The following PDHX variants were observed in gnomAD, a reference collection of about 807,000 sequenced individuals.
PDHX encodes the protein pyruvate dehydrogenase complex component X.
Under a neutral mutation model 55.3 loss-of-function variants are expected in PDHX, and 33 were observed. The ratio of observed to expected loss-of-function variants is 0.60; its 90% CI spans 0.45 to 0.80. The LOEUF is 0.80. Among genes scored for constraint, PDHX ranks in the 30% least tolerant of loss-of-function variants. The pLI is 0.00. For missense variants in PDHX, 622 were observed against 619.9 expected (o/e 1.00, Z -0.04); for synonymous variants, 226 against 219.4 (o/e 1.03, Z -0.27).
intron 7 of PDHX, among the ~76,000 whole-genome samples, chr11:34,971,787 G>T (rs898260871): frequency 6.6e-6 from 1 of 152,064 alleles, no homozygotes; most frequent in Admixed American, 6.5e-5. Context: ...AGTGGAATGG[G>T]TTGGAAAACA....
intron 9 of PDHX, among the ~76,000 whole-genome samples, chr11:34,989,370 C>T (rs1855713958): frequency 6.6e-6 from 1 of 151,092 alleles, no homozygotes; most frequent in Non-Finnish European, 1.5e-5. Flanking sequence ...CTACTGTATG[C>T]AACTGGGAGA....
At chr11:34,919,516 A>G (rs1160609282) in intron 1 of PDHX, among the ~76,000 whole-genome samples, 1 of 152,186 alleles carries the variant, frequency 6.6e-6, no homozygotes, top group Non-Finnish European at 1.5e-5. Flanking sequence ...TTTTCTTAGC[A>G]CTTTCTAGAA....
intron 3 of PDHX, among the ~76,000 whole-genome samples, chr11:34,949,877 G>C (rs1854714986): frequency 6.6e-6 from 1 of 151,942 alleles, no homozygotes; most frequent in Non-Finnish European, 1.5e-5. Context: ...TTTATTGATA[G>C]ACCATTATTC....
chr11:34,926,795 A>G (rs1318037294), intron 1 of PDHX, among the ~76,000 whole-genome samples: 1 of 152,096 alleles, frequency 6.6e-6, no homozygotes, highest in Non-Finnish European at 1.5e-5. Context: ...ACTTTAGGGA[A>G]GAAGAAACTA....
chr11:34,984,780 TA>T, intron 9 of PDHX, 52 bp downstream of exon 9: 2 of 1,551,434 alleles, frequency 1.3e-6, no homozygotes, highest in African/African-American at 2.7e-5. Context: ...TACTTTTGGA[TA>T]ATTACTTTCT....
At chr11:34,985,605 G>A (rs1855623397) in intron 9 of PDHX, among the ~76,000 whole-genome samples, 1 of 152,198 alleles carries the variant, frequency 6.6e-6, no homozygotes, top group African/African-American at 2.4e-5. Flanking sequence ...GACAGCCTCA[G>A]TAATTTCCAA....
intron 3 of PDHX, among the ~76,000 whole-genome samples, chr11:34,951,820 T>C (rs1014239703): frequency 5.3e-5 from 8 of 152,218 alleles, no homozygotes; most frequent in African/African-American, 1.9e-4. Context: ...CTAGGGTTTT[T>C]ATGGTTTTAG....
intron 5 of PDHX, among the ~76,000 whole-genome samples, chr11:34,964,940 C>A (rs751711056): frequency 1.4e-4 from 21 of 151,778 alleles, no homozygotes; most frequent in Non-Finnish European, 2.8e-4. Context: ...GTGTCAGCAA[C>A]CTTTTTTTTA....
chr11:34,929,145 T>A (rs561096896), intron 1 of PDHX, among the ~76,000 whole-genome samples: 85 of 65,196 alleles, frequency 1.3e-3, no homozygotes, highest in African/African-American at 5.4e-3. Context: ...ATTGTGGCTA[T>A]TTTTCCTCCT....
At position 34,966,728 on chromosome 11, in the gene PDHX, C is replaced by A; in HGVS notation, c.730C>A (p.Pro244Thr). 1.9e-6 allele frequency: 3 copies of A among 1,614,182 alleles called. No individual in the cohort carries two copies. The highest frequency in any genetic ancestry group is 2.5e-6 in the Non-Finnish European group (3 of 1,180,008). Residue 244 changes from proline (P) to threonine (T), a missense_variant, in exon 6 of 11, where the codon CCT (proline) becomes ACT (threonine). Coordinates refer to ENST00000227868, the MANE Select transcript of PDHX (RefSeq NM_003477.3). Reference sequence around the variant, plus strand: ...AGCCCCCACAGCCACTCCCACAGCACCTTCGCCCCTACAGGCCACAGCTGG... The same window carrying A: ...AGCCCCCACAGCCACTCCCACAGCAACTTCGCCCCTACAGGCCACAGCTGG... Reference protein sequence around the residue: ...TPAPTATPTAPSPLQATAGPS... With the variant: ...TPAPTATPTATSPLQATAGPS...
rs538536282 is a variant in PDHX at position 34,982,584 on chromosome 11, A to C, written c.1024-1986A>C. Among the ~76,000 whole-genome samples the C allele has an allele frequency of 4.3e-4, 66 of 152,242 alleles. 1 individual carries two copies. The South Asian group carries it at 0.013, about 30-fold the overall frequency. The stretch of plus-strand genomic sequence containing the variant: ...AAATAGACGCAATAAAAAATGATAA[A>C]GGCGATATCACCACCGATCCCACAG... On this transcript the variant is annotated intron_variant, in intron 8 of 10. Transcript: ENST00000227868.
intron 5 of PDHX, among the ~76,000 whole-genome samples, chr11:34,964,904 A>C (rs1478972089): frequency 6.9e-6 from 1 of 144,950 alleles, no homozygotes; most frequent in Non-Finnish European, 1.5e-5. Context: ...AATAAGTAAT[A>C]GTTATGCTAA....
At chr11:34,984,059 A>G (rs1400124400) in intron 8 of PDHX, among the ~76,000 whole-genome samples, 1 of 152,062 alleles carries the variant, frequency 6.6e-6, no homozygotes, top group African/African-American at 2.4e-5. Context: ...ACAGCATGGT[A>G]CTGGTACCAA....
chr11:34,946,534 G>A (rs886411507), intron 2 of PDHX, among the ~76,000 whole-genome samples: 3 of 152,168 alleles, frequency 2.0e-5, no homozygotes, highest in Middle Eastern at 3.4e-3. Flanking sequence ...TCCCTCCTAC[G>A]CAGTCCCCCC....
chr11:34,939,215 TTTTG>T (rs1344413994), intron 2 of PDHX, among the ~76,000 whole-genome samples: 7 of 152,224 alleles, frequency 4.6e-5, no homozygotes, highest in Admixed American at 2.0e-4. Flanking sequence ...ATTAACTGTT[TTTTG>T]TTTGTTTGAT....
chr11:34,926,690 A>G (rs1248677391), intron 1 of PDHX, among the ~76,000 whole-genome samples: 5 of 151,900 alleles, frequency 3.3e-5, no homozygotes, highest in African/African-American at 1.2e-4. Flanking sequence ...TAATCTAGAG[A>G]CCTTTTAGCA....
At chr11:34,994,152 C>T (rs1295757688) in intron 10 of PDHX, among the ~76,000 whole-genome samples, 1 of 152,120 alleles carries the variant, frequency 6.6e-6, no homozygotes, top group Non-Finnish European at 1.5e-5. Flanking sequence ...ATGCAAACAT[C>T]ATAGAGTGTA....
chr11:34,950,354 T>G (rs1488224832), intron 3 of PDHX, among the ~76,000 whole-genome samples: 1 of 147,410 alleles, frequency 6.8e-6, no homozygotes, highest in Non-Finnish European at 1.5e-5. Flanking sequence ...TAATGTTTGT[T>G]TATTTATTTA....
At chr11:34,957,908 C>T (rs1433904392) in intron 4 of PDHX, among the ~76,000 whole-genome samples, 1 of 152,164 alleles carries the variant, frequency 6.6e-6, no homozygotes, top group Non-Finnish European at 1.5e-5. Flanking sequence ...AAACTTGATA[C>T]TCTGTTCCCA....
Sources: allele counts gnomAD v4.1 joint callset (sites outside exome capture counted in the v4.1 genomes callset), GRCh38; gene constraint gnomAD v4.1.1; transcripts MANE v1.5; gene names NCBI Gene and HGNC (gene_info 2026-07-23, HGNC 2026-07-21).